NTRK3: variants seen among roughly 807,000 people sequenced by gnomAD.
NTRK3 encodes neurotrophic receptor tyrosine kinase 3.
A neutral mutation model predicts 91.7 loss-of-function variants in NTRK3; 24 were observed. That is an observed-to-expected ratio of 0.26 (90% CI 0.19 to 0.37). The LOEUF is 0.37. Ranked by LOEUF, NTRK3 falls within the 10% of genes least tolerant of loss-of-function variation. The pLI is 1.00. For synonymous variants in NTRK3, 483 were observed against 404.0 expected (o/e 1.20, Z -2.34); for missense variants, 880 against 1,068.9 (o/e 0.82, Z 2.46).
chr15:88,196,654 G>C (rs2047847820), intron 3 of NTRK3, among the ~76,000 whole-genome samples: 1 of 152,224 alleles, frequency 6.6e-6, no homozygotes, highest in Non-Finnish European at 1.5e-5. Flanking sequence ...TGAAGGAAAT[G>C]CAGGTTTCTC....
intron 14 of NTRK3, among the ~76,000 whole-genome samples, chr15:87,980,358 C>CGTGT (rs1470824894): frequency 1.1e-5 from 1 of 88,198 alleles, no homozygotes; most frequent in Non-Finnish European, 2.1e-5. Context: ...TGCATGTGTA[C>CGTGT]ATGTGTTTCC....
At chr15:88,041,621 C>A (rs757523878) in intron 13 of NTRK3, among the ~76,000 whole-genome samples, 10 of 152,126 alleles carry the variant, frequency 6.6e-5, no homozygotes, top group Non-Finnish European at 7.3e-5. Flanking sequence ...CTCAGTGAGG[C>A]CAACTTAGAC....
At chr15:88,169,748 T>C (rs1384062729) in intron 5 of NTRK3, among the ~76,000 whole-genome samples, 1 of 152,126 alleles carries the variant, frequency 6.6e-6, no homozygotes, top group Non-Finnish European at 1.5e-5. Context: ...AGGCTTTCTC[T>C]CTCACTGCCA....
intron 14 of NTRK3, among the ~76,000 whole-genome samples, chr15:87,987,213 A>T (rs1221522065): frequency 6.6e-6 from 1 of 152,244 alleles, no homozygotes; most frequent in African/African-American, 2.4e-5. Flanking sequence ...AATCCTTAAC[A>T]TAATTCTATT....
At chr15:87,961,059 AG>A (rs1394972041) in intron 14 of NTRK3, among the ~76,000 whole-genome samples, 2 of 152,096 alleles carry the variant, frequency 1.3e-5, no homozygotes, top group Non-Finnish European at 2.9e-5. Context: ...AATCCTTCAC[AG>A]TCTGACTAAT....
chr15:88,055,795 A>G (rs974918102), intron 13 of NTRK3, among the ~76,000 whole-genome samples: 7 of 152,168 alleles, frequency 4.6e-5, no homozygotes, highest in African/African-American at 1.7e-4. Flanking sequence ...GAAAGGAGGC[A>G]TTTAAACGGG....
intron 14 of NTRK3, among the ~76,000 whole-genome samples, chr15:87,954,134 T>C (rs980617876): frequency 1.3e-5 from 2 of 151,968 alleles, no homozygotes; most frequent in Non-Finnish European, 2.9e-5. Flanking sequence ...GAGCCTCCAC[T>C]GTGCAGGGTT....
chr15:88,136,198 T>C (rs1041747478), intron 8 of NTRK3, among the ~76,000 whole-genome samples, 158 bp from the exon 9 acceptor site: 2 of 152,250 alleles, frequency 1.3e-5, no homozygotes, highest in Non-Finnish European at 2.9e-5. Flanking sequence ...AGGCTCCTCA[T>C]AGGCAATAGT....
At chr15:88,173,508 T>C (rs1472889367) in intron 5 of NTRK3, among the ~76,000 whole-genome samples, 1 of 152,210 alleles carries the variant, frequency 6.6e-6, no homozygotes, top group African/African-American at 2.4e-5. Context: ...TCAGGCTCCA[T>C]TCTCTATGCT....
At chr15:88,171,009 T>G (rs2045462399) in intron 5 of NTRK3, among the ~76,000 whole-genome samples, 1 of 152,010 alleles carries the variant, frequency 6.6e-6, no homozygotes, top group Admixed American at 6.6e-5. Context: ...GGGATGGGAG[T>G]TATCCTGGGT....
chr15:88,035,264 G>C (rs537740630), intron 13 of NTRK3, among the ~76,000 whole-genome samples: 1 of 152,270 alleles, frequency 6.6e-6, no homozygotes, highest in South Asian at 2.1e-4. Flanking sequence ...GTGGAGTGAG[G>C]CTCCAGGCGG....
chr15:87,919,556 T>C (rs905292514), intron 17 of NTRK3, among the ~76,000 whole-genome samples: 1 of 152,160 alleles, frequency 6.6e-6, no homozygotes, highest in African/African-American at 2.4e-5. Flanking sequence ...TACCACCATA[T>C]TGAAATAAAG....
chr15:87,863,984 C>CACACAT (rs1555424604), exon 19 of NTRK3: 10 of 208,568 alleles, frequency 4.8e-5, no homozygotes, highest in East Asian at 3.2e-4. Context: ...TACACACACA[C>CACACAT]ACACACACAT....
intron 14 of NTRK3, among the ~76,000 whole-genome samples, chr15:87,991,955 A>G (rs1025172908): frequency 4.0e-5 from 6 of 151,358 alleles, no homozygotes; most frequent in African/African-American, 1.5e-4. Flanking sequence ...CCAGGTCAGT[A>G]TCTGGCACAT....
At chr15:88,050,827 T>C (rs899693413) in intron 13 of NTRK3, among the ~76,000 whole-genome samples, 2 of 152,114 alleles carry the variant, frequency 1.3e-5, no homozygotes, top group East Asian at 3.9e-4. Flanking sequence ...TAATAAATGG[T>C]GAAATTGGAA....
rs939855302 is a variant in NTRK3, at chr15:87,996,169, G to A, written c.1585+36688C>T. ...TGAGGCAGAAGAATCACTTGAACCC[G>A]GGAGGCGGAGGTTGCAGTGAGGTGA... On this transcript the variant is annotated intron_variant, in intron 14 of 18. Coordinates refer to ENST00000394480, the Ensembl canonical transcript of NTRK3. 3.3e-5 allele frequency among the ~76,000 whole-genome samples: 5 copies of A among 152,098 alleles called. No homozygotes were observed. In the South Asian group the frequency reaches 6.2e-4, roughly 19 times the overall value.
chr15:88,197,699 C>T (rs906616017), intron 3 of NTRK3, among the ~76,000 whole-genome samples: 1 of 152,176 alleles, frequency 6.6e-6, no homozygotes, highest in African/African-American at 2.4e-5. Flanking sequence ...GTGTAAATGG[C>T]TTTTGTGACT....
intron 5 of NTRK3, among the ~76,000 whole-genome samples, chr15:88,166,712 A>T (rs1444063710): frequency 5.9e-5 from 9 of 152,218 alleles, no homozygotes; most frequent in Admixed American, 3.3e-4. Flanking sequence ...TCTTTATATC[A>T]GTTACAACAG....
At chr15:87,939,690 T>A (rs1161009005) in intron 15 of NTRK3, among the ~76,000 whole-genome samples, 1 of 152,046 alleles carries the variant, frequency 6.6e-6, no homozygotes, top group Non-Finnish European at 1.5e-5. Context: ...TCAGCCCACA[T>A]CTCAGGACAT....
Sources: gnomAD v4.1 joint callset for allele counts (sites outside exome capture counted in the v4.1 genomes callset) on GRCh38, gnomAD v4.1.1 for gene constraint, MANE v1.5 for transcripts, NCBI Gene and HGNC (gene_info 2026-07-23, HGNC 2026-07-21) for gene names.